Variants in RGS6 observed in about 807,000 individuals in gnomAD.
RGS6 encodes the protein regulator of G-protein signaling 6.
In RGS6, 30 loss-of-function variants were observed where a neutral mutation model predicts 78.5. That is an observed-to-expected ratio of 0.38 (90% CI 0.29 to 0.52). The LOEUF (loss-of-function observed/expected upper bound fraction) is 0.52. Ranked by LOEUF, RGS6 falls within the 20% of genes least tolerant of loss-of-function variation. The pLI is 0.85. For synonymous variants in RGS6, 206 were observed against 206.0 expected (o/e 1.00, Z 0.00); for missense variants, 495 against 609.7 (o/e 0.81, Z 1.98).
chr14:72,375,679 C>T (rs928431524), intron 3 of RGS6, among the ~76,000 whole-genome samples: 9 of 152,184 alleles, frequency 5.9e-5, no homozygotes, highest in African/African-American at 1.9e-4. Context: ...GCTCAGCAAG[C>T]CCACCTCTGG....
At chr14:72,170,656 G>A (rs1404443662) in intron 2 of RGS6, among the ~76,000 whole-genome samples, 1 of 152,194 alleles carries the variant, frequency 6.6e-6, no homozygotes, top group Non-Finnish European at 1.5e-5. Context: ...TAGCTAGAAT[G>A]ATAAAAATAT....
intron 2 of RGS6, among the ~76,000 whole-genome samples, chr14:72,333,208 A>G (rs1446074648): frequency 2.0e-5 from 3 of 152,226 alleles, no homozygotes; most frequent in Non-Finnish European, 4.4e-5. Context: ...TTGAAATGCT[A>G]TTCCTGGCAA....
chr14:72,012,838 A>G (rs2086064019), intron 2 of RGS6, among the ~76,000 whole-genome samples: 1 of 152,222 alleles, frequency 6.6e-6, no homozygotes, highest in Non-Finnish European at 1.5e-5. Context: ...TGGGGGAAAC[A>G]CTAATACCAA....
chr14:72,098,449 G>A (rs2095456846), intron 2 of RGS6, among the ~76,000 whole-genome samples: 1 of 152,176 alleles, frequency 6.6e-6, no homozygotes, highest in Non-Finnish European at 1.5e-5. Flanking sequence ...TCAGGCAGGG[G>A]GCATTTGTTC....
intron 2 of RGS6, among the ~76,000 whole-genome samples, chr14:72,255,146 G>C (rs1012651878): frequency 2.6e-5 from 4 of 152,142 alleles, no homozygotes; most frequent in African/African-American, 9.7e-5. Context: ...TCCAGGGAAA[G>C]GAAAAGGAAA....
chr14:72,621,254 A>T, the RGS6 span, among the ~76,000 whole-genome samples: 3 of 152,114 alleles, frequency 2.0e-5, no homozygotes, highest in Non-Finnish European at 4.4e-5. Flanking sequence ...CCTTGGGGGC[A>T]AAATCTTGTT....
chr14:72,360,880 T>C (rs1446265094), intron 3 of RGS6, among the ~76,000 whole-genome samples: 1 of 152,068 alleles, frequency 6.6e-6, no homozygotes, highest in African/African-American at 2.4e-5. Flanking sequence ...GATTGGATCG[T>C]GGGGGTGGTT....
the RGS6 span, among the ~76,000 whole-genome samples, chr14:71,871,316 TA>T: frequency 9.2e-5 from 14 of 152,258 alleles, no homozygotes; most frequent in African/African-American, 2.6e-4. Context: ...TCACAAAAAA[TA>T]GAGGCCAACA....
At chr14:72,466,349 A>G (rs560565101) in intron 7 of RGS6, among the ~76,000 whole-genome samples, 18 of 152,218 alleles carry the variant, frequency 1.2e-4, no homozygotes, top group African/African-American at 4.3e-4. Context: ...TTAAACATAC[A>G]CTTACCATAT....
chr14:72,305,770 G>A (rs187864959), intron 2 of RGS6, among the ~76,000 whole-genome samples: 1 of 152,286 alleles, frequency 6.6e-6, no homozygotes, highest in East Asian at 1.9e-4. Flanking sequence ...GCTTCTAAGT[G>A]TTCAAGTGAA....
intron 2 of RGS6, among the ~76,000 whole-genome samples, chr14:72,349,081 G>A (rs916073004): frequency 1.7e-4 from 26 of 152,114 alleles, no homozygotes; most frequent in African/African-American, 6.0e-4. Context: ...GCAGGAGAGT[G>A]GCATGAACCT....
chr14:72,611,264 G>T, the RGS6 span, among the ~76,000 whole-genome samples: 1 of 152,240 alleles, frequency 6.6e-6, no homozygotes, highest in South Asian at 2.1e-4. Flanking sequence ...TGTGACACGT[G>T]TGGAGAAAAG....
At chr14:72,468,958 G>A (rs1050704361) in intron 7 of RGS6, among the ~76,000 whole-genome samples, 32 of 152,010 alleles carry the variant, frequency 2.1e-4, no homozygotes, top group Admixed American at 1.9e-3. Context: ...ATTCGTGTTG[G>A]CATGAGCTCT....
At chr14:72,539,774 C>T (rs2097296973) in intron 16 of RGS6, among the ~76,000 whole-genome samples, 1 of 152,224 alleles carries the variant, frequency 6.6e-6, no homozygotes, top group Non-Finnish European at 1.5e-5. Flanking sequence ...CCCGCAAGCA[C>T]CATTCATGGC....
At chr14:72,117,199 T>G (rs1315052376) in intron 2 of RGS6, among the ~76,000 whole-genome samples, 1 of 152,096 alleles carries the variant, frequency 6.6e-6, no homozygotes, top group Non-Finnish European at 1.5e-5. Context: ...ACTTGCAGCA[T>G]GGGTGATATG....
intron 2 of RGS6, among the ~76,000 whole-genome samples, chr14:72,091,543 G>A (rs1309009911): frequency 1.3e-5 from 2 of 152,186 alleles, no homozygotes; most frequent in African/African-American, 4.8e-5. Flanking sequence ...GGTTGACTTT[G>A]AGAAGGCAAT....
chr14:72,094,782 G>A (rs1370353592), intron 2 of RGS6, among the ~76,000 whole-genome samples: 1 of 152,176 alleles, frequency 6.6e-6, no homozygotes. Flanking sequence ...GAGTAGGAGA[G>A]ACAATAAATG....
intron 2 of RGS6, among the ~76,000 whole-genome samples, chr14:72,170,334 C>CA (rs1479692570): frequency 6.6e-6 from 1 of 152,204 alleles, no homozygotes; most frequent in African/African-American, 2.4e-5. Flanking sequence ...ACCAACATTA[C>CA]AAAACGTTGA....
chr14:72,073,204 G>A (rs562339026), intron 2 of RGS6, among the ~76,000 whole-genome samples: 39 of 152,162 alleles, frequency 2.6e-4, no homozygotes, highest in Non-Finnish European at 4.1e-4. Context: ...ATTGTTATGA[G>A]GATTAAAGGG....
Sources: allele counts gnomAD v4.1 joint callset (sites outside exome capture counted in the v4.1 genomes callset), GRCh38; gene constraint gnomAD v4.1.1; transcripts MANE v1.5; gene names NCBI Gene and HGNC (gene_info 2026-07-23, HGNC 2026-07-21).